Variants in STUM observed in about 807,000 individuals in gnomAD.
STUM encodes the protein stum, mechanosensory transduction mediator homolog.
STUM carries 8 observed loss-of-function variants against 15.3 expected under a neutral mutation model. The observed-to-expected ratio is 0.52, with a 90% confidence interval of 0.31 to 0.94. STUM has a LOEUF of 0.94. Ranked by LOEUF, STUM falls within the 40% of genes least tolerant of loss-of-function variation. The probability of loss-of-function intolerance (pLI) is 0.05; values close to 1 mark genes in which losing one functional copy is unlikely to be tolerated. For missense variants in STUM, 142 were observed against 204.9 expected (o/e 0.69, Z 1.87); for synonymous variants, 78 against 88.7 (o/e 0.88, Z 0.68).
At chr1:226,576,227 G>A (rs556971232) in intron 1 of STUM, among the ~76,000 whole-genome samples, 4 of 152,344 alleles carry the variant, frequency 2.6e-5, no homozygotes, top group Admixed American at 6.5e-5. Context: ...GTGACACACA[G>A]TCTCCCAGAG....
At chr1:226,595,200 C>T (rs1163792782) in intron 1 of STUM, among the ~76,000 whole-genome samples, 1 of 152,174 alleles carries the variant, frequency 6.6e-6, no homozygotes, top group African/African-American at 2.4e-5. Flanking sequence ...GAAGAACCTG[C>T]AGTGTGACGT....
Position 226,569,248 on chromosome 1 carries a change from A to G in STUM, c.202+20142A>G, listed in dbSNP as rs186234658. ...ATGTTATTACATATAAAGTCTTAGA[A>G]TAGCACTTTGCACATATATATAGTG... On this transcript the variant is annotated intron_variant, in intron 1 of 3. Transcript: ENST00000366788. Among the ~76,000 whole-genome samples the G allele has an allele frequency of 4.4e-4, 67 of 152,298 alleles. 1 individual carries two copies. The Middle Eastern group carries it at 0.014, about 31-fold the overall frequency.
At chr1:226,553,056 A>G (rs1299418072) in intron 1 of STUM, among the ~76,000 whole-genome samples, 1 of 152,232 alleles carries the variant, frequency 6.6e-6, no homozygotes, top group Non-Finnish European at 1.5e-5. Context: ...TTTACAGCCT[A>G]CTAAACCTTT....
intron 1 of STUM, among the ~76,000 whole-genome samples, chr1:226,559,651 T>C (rs1329724544): frequency 6.6e-6 from 1 of 152,148 alleles, no homozygotes; most frequent in Non-Finnish European, 1.5e-5. Context: ...TGAGATGTGT[T>C]TACATACTAC....
chr1:226,600,610 TC>T lies in STUM; in HGVS notation c.383-55del. On this transcript the variant is annotated intron_variant, in intron 2 of 3. Transcript: ENST00000366788. This position sits in a 1 kb window ranked among gnomAD's most constrained non-coding sequence, Gnocchi z 5.2. ...GTGGCTCTGTTTTCAGGCTGTGTTT[TC>T]TCTTCTTCTCTCTCTCCTCTTCCTC... 2 of 1,605,860 alleles carry T rather than the reference TC, an allele frequency of 1.2e-6. No homozygotes were observed. Among genetic ancestry groups the T allele is most frequent in the Non-Finnish European group, 1.7e-6 (2 of 1,177,376 alleles).
intron 1 of STUM, among the ~76,000 whole-genome samples, chr1:226,564,403 T>C (rs1328450803): frequency 2.6e-5 from 4 of 152,190 alleles, no homozygotes; most frequent in African/African-American, 9.7e-5. Flanking sequence ...CATCTCATTG[T>C]TTCTTATTCT....
chr1:226,584,787 A>G lies in STUM; in HGVS notation c.203-12015A>G, dbSNP rs933079901. 3.9e-5 allele frequency among the ~76,000 whole-genome samples: 6 copies of G among 152,196 alleles called. No homozygotes were observed. The East Asian group carries it at 1.2e-3, about 29-fold the overall frequency. On this transcript the variant is annotated intron_variant, in intron 1 of 3. Transcript: ENST00000366788. ...GTGCATCTGTCCCCTAGTTTACTCA[A>G]CCACTCCATTGCCTTCTCTGCAGCT...
chr1:226,563,464 C>A (rs575115811), intron 1 of STUM, among the ~76,000 whole-genome samples: 1 of 152,376 alleles, frequency 6.6e-6, no homozygotes, highest in South Asian at 2.1e-4. Context: ...TGTTTTTCTG[C>A]TCCATCAGCA....
intron 1 of STUM, among the ~76,000 whole-genome samples, chr1:226,595,721 C>G (rs1346592255): frequency 6.6e-6 from 1 of 152,138 alleles, no homozygotes; most frequent in African/African-American, 2.4e-5. Context: ...AAGACAGAAG[C>G]AGAGGTCAGG....
intron 1 of STUM, among the ~76,000 whole-genome samples, chr1:226,563,881 A>G (rs2102690279): frequency 6.6e-6 from 1 of 152,344 alleles, no homozygotes; most frequent in South Asian, 2.1e-4. Context: ...CTCAGAAGGG[A>G]AAAAAGTAAA....
At position 226,600,164 on chromosome 1, in the gene STUM, G is replaced by C. The variant is rs1362768381; in HGVS notation, c.383-502G>C. ...GATGAAAAAAAAAAGGCTAGGTGCTGTGGCTCATGCCTGTATCTCAGCATG... is the reference window on the plus strand; with the variant it reads ...GATGAAAAAAAAAAGGCTAGGTGCTCTGGCTCATGCCTGTATCTCAGCATG... On this transcript the variant is annotated intron_variant, in intron 2 of 3. Transcript: ENST00000366788. This position sits in a 1 kb window ranked among gnomAD's most constrained non-coding sequence, Gnocchi z 5.2. Among the ~76,000 whole-genome samples, 1 of 152,308 alleles carries C rather than the reference G, an allele frequency of 6.6e-6. No individual in the cohort carries two copies. Among genetic ancestry groups the C allele is most frequent in the South Asian group, 2.1e-4 (1 of 4,828 alleles).
chr1:226,562,190 C>T (rs1170724308), intron 1 of STUM, among the ~76,000 whole-genome samples: 1 of 152,072 alleles, frequency 6.6e-6, no homozygotes, highest in African/African-American at 2.4e-5. Flanking sequence ...CATCTCTGGC[C>T]TGGTGCAGTG....
At position 226,594,947 on chromosome 1, in the gene STUM, C is replaced by T. The variant is rs570854575; in HGVS notation, c.203-1855C>T. The stretch of plus-strand genomic sequence containing the variant: ...CTGGGATTACAGGCATGAGCCACTG[C>T]GCCGAGCCCTGGAAGGGGACTTATG... On this transcript the variant is annotated intron_variant, in intron 1 of 3. Transcript: ENST00000366788. Among the ~76,000 whole-genome samples the T allele has an allele frequency of 4.6e-5, 7 of 152,354 alleles. No individual in the cohort carries two copies. The South Asian group carries it at 1.0e-3, about 23-fold the overall frequency.
intron 3 of STUM, among the ~76,000 whole-genome samples, chr1:226,601,001 G>T (rs1668253666): frequency 6.6e-6 from 1 of 152,110 alleles, no homozygotes; most frequent in South Asian, 2.1e-4. Flanking sequence ...TAAATGAAGA[G>T]AAAAAAGCAG....
chr1:226,589,778 C>T (rs998489250), intron 1 of STUM, among the ~76,000 whole-genome samples: 1 of 152,122 alleles, frequency 6.6e-6, no homozygotes, highest in Non-Finnish European at 1.5e-5. Flanking sequence ...AGAGGACCAT[C>T]TCCCCGCTCC....
chr1:226,586,085 G>A (rs780617825), intron 1 of STUM, among the ~76,000 whole-genome samples: 11 of 152,290 alleles, frequency 7.2e-5, no homozygotes, highest in Middle Eastern at 3.4e-3. Context: ...ATGGAATGCA[G>A]TCTTCAGGCC....
chr1:226,555,848 TAA>T (rs1667437650), intron 1 of STUM, among the ~76,000 whole-genome samples: 1 of 152,190 alleles, frequency 6.6e-6, no homozygotes, highest in Non-Finnish European at 1.5e-5. Context: ...AACAGAAATA[TAA>T]GTCACATAGA....
chr1:226,574,045 A>T (rs1410159555), intron 1 of STUM, among the ~76,000 whole-genome samples: 2 of 152,360 alleles, frequency 1.3e-5, no homozygotes, highest in South Asian at 4.1e-4. Flanking sequence ...CATGTTGGTC[A>T]GGCTGGTCTC....
chr1:226,562,866 G>T (rs1179229182), intron 1 of STUM, among the ~76,000 whole-genome samples: 1 of 152,202 alleles, frequency 6.6e-6, no homozygotes, highest in Non-Finnish European at 1.5e-5. Flanking sequence ...CAGATTAGAT[G>T]AAATATTGTA....
Sources: allele counts gnomAD v4.1 joint callset (sites outside exome capture counted in the v4.1 genomes callset), GRCh38; gene constraint gnomAD v4.1.1; non-coding constraint Gnocchi (gnomAD v3.1); transcripts MANE v1.5; gene names NCBI Gene and HGNC (gene_info 2026-07-23, HGNC 2026-07-21).